The following CELSR1 variants were observed in gnomAD, a reference collection of about 807,000 sequenced individuals.
CELSR1 encodes adhesion G protein-coupled receptor C1.
A neutral mutation model predicts 249.1 loss-of-function variants in CELSR1; 110 were observed. That is an observed-to-expected ratio of 0.44 (90% CI 0.38 to 0.52). The LOEUF (loss-of-function observed/expected upper bound fraction) is 0.52, where lower values mean the gene tolerates loss of function less well. Ranked by LOEUF, CELSR1 falls within the 20% of genes least tolerant of loss-of-function variation. The pLI is 0.00. For synonymous variants in CELSR1, 2,113 were observed against 1,900.0 expected, an observed-to-expected ratio of 1.11 and a Z score of -2.92; for missense variants, 4,109 against 4,296.4, an observed-to-expected ratio of 0.96 and a Z score of 1.22.
rs537819659 is a variant in CELSR1, at chr22:46,425,776, C to T, written c.4611+7617G>A. Among the ~76,000 whole-genome samples the T allele has an allele frequency of 3.9e-3, 597 of 152,238 alleles. 3 individuals are homozygous for T. Among genetic ancestry groups the T allele is most frequent in the Non-Finnish European group, 6.5e-3 (443 of 68,036 alleles). On this transcript the variant is annotated intron_variant, in intron 5 of 34. Transcript: ENST00000674500. ...TGTTTTGCTGTTTCAATTTCACTGA[C>T]TGCTGCTCTTATCTTTATTATTTCC...
At chr22:46,405,291 T>C (rs574725729) in intron 9 of CELSR1, among the ~76,000 whole-genome samples, 37 of 150,872 alleles carry the variant, frequency 2.5e-4, no homozygotes, top group Non-Finnish European at 4.6e-4. Flanking sequence ...AAACCCTGTC[T>C]CTACTAAAAA....
rs1320338798 is a variant in CELSR1 at position 46,518,340 on chromosome 22, G to A, written c.3544+15287C>T. Among the ~76,000 whole-genome samples the A allele has an allele frequency of 6.6e-6, 1 of 152,248 alleles. No homozygotes were observed. The highest frequency in any genetic ancestry group is 1.5e-5 in the Non-Finnish European group (1 of 68,052). Reference sequence around the variant, plus strand: ...CCATCAGCAGGGGCGCTCAGCCCGTGCCACACTCAGTCTCGTTAGAGGAGA... The same window carrying A: ...CCATCAGCAGGGGCGCTCAGCCCGTACCACACTCAGTCTCGTTAGAGGAGA... On this transcript the variant is annotated intron_variant, in intron 1 of 34. Coordinates refer to ENST00000674500, the MANE Select transcript of CELSR1 (RefSeq NM_001378328.1). The surrounding 1 kb of genome is among the most constrained non-coding windows in gnomAD (Gnocchi z 5.2).
At chr22:46,513,622 T>A (rs190784431) in intron 1 of CELSR1, among the ~76,000 whole-genome samples, 1 of 152,216 alleles carries the variant, frequency 6.6e-6, no homozygotes, top group Non-Finnish European at 1.5e-5. Flanking sequence ...GCACCAGGGA[T>A]AGGAGTCCCA....
chr22:46,511,431 T>C (rs2147766316), intron 1 of CELSR1, among the ~76,000 whole-genome samples: 1 of 152,308 alleles, frequency 6.6e-6, no homozygotes, highest in South Asian at 2.1e-4. Flanking sequence ...TGTCAAAGCA[T>C]CGCTCCAAAA....
chr22:46,386,894 C>T lies in CELSR1; in HGVS notation c.6556-309G>A, dbSNP rs531514164. Among the ~76,000 whole-genome samples, 11 of 152,266 alleles carry T rather than the reference C, an allele frequency of 7.2e-5. No homozygotes were observed. In the East Asian group the frequency reaches 1.9e-3, roughly 27 times the overall value. On this transcript the variant is annotated intron_variant, in intron 18 of 34. Transcript: ENST00000674500. Reference sequence around the variant, plus strand: ...TCAACCTCCCGAGTAGCTGGGATTACAGGCACACATGTGCCACCACACCCG... The same window carrying T: ...TCAACCTCCCGAGTAGCTGGGATTATAGGCACACATGTGCCACCACACCCG...
rs151159264 is a variant in CELSR1 at position 46,433,379 on chromosome 22, G to A, written c.4611+14C>T. 2.0e-4 allele frequency: 315 copies of A among 1,608,408 alleles called. 3 individuals carry two copies. The East Asian group carries it at 7.0e-3, about 36-fold the overall frequency. ...CGCCCTGGGGCCAGGGGGAAGTGGT[G>A]GGGCCCATCTTACCTTGTTGTAGTA... On this transcript the variant is annotated intron_variant, in intron 5 of 34. Coordinates refer to ENST00000674500, the MANE Select transcript of CELSR1 (RefSeq NM_001378328.1). This position sits in a 1 kb window ranked among gnomAD's most constrained non-coding sequence, Gnocchi z 5.7.
intron 2 of CELSR1, chr22:46,462,645 CAAAAAA>C (rs10541493): frequency 4.8e-4 from 79 of 164,678 alleles, no homozygotes; most frequent in South Asian, 2.0e-3. Context: ...AGAGAGCTTT[CAAAAAA>C]AAAAAAAAAA....
Position 46,518,380 on chromosome 22 carries a change from C to T in CELSR1, c.3544+15247G>A, listed in dbSNP as rs12484501. Among the ~76,000 whole-genome samples the T allele has an allele frequency of 1.3e-5, 2 of 152,162 alleles. No homozygotes were observed. The highest frequency in any genetic ancestry group is 2.9e-5 in the Non-Finnish European group (2 of 68,014). On this transcript the variant is annotated intron_variant, in intron 1 of 34. Transcript: ENST00000674500. The surrounding 1 kb of genome is among the most constrained non-coding windows in gnomAD (Gnocchi z 5.2). ...GTTAGAGGAGAACGAAGGGAGTGGG[C>T]TCCCACAGACCACATTGCACTGCGA...
intron 1 of CELSR1, among the ~76,000 whole-genome samples, chr22:46,467,891 TGGCA>T (rs2080114324): frequency 6.6e-6 from 1 of 151,802 alleles, no homozygotes; most frequent in Non-Finnish European, 1.5e-5. Context: ...AAGGATGGGG[TGGCA>T]GGGAGTGAAC....
intron 1 of CELSR1, among the ~76,000 whole-genome samples, chr22:46,487,011 G>C (rs1034417610): frequency 2.8e-5 from 4 of 145,360 alleles, no homozygotes; most frequent in African/African-American, 7.9e-5. Flanking sequence ...GTCTGCTCCC[G>C]CCCCCTGCCC....
Position 46,385,943 on chromosome 22 carries a change from C to T in CELSR1, c.6739+459G>A, listed in dbSNP as rs1323878036. The stretch of plus-strand genomic sequence containing the variant: ...CCGCCCACCTTGGCCTCCCAAATTG[C>T]TGGGATTACAGGCGTGAGCCACCGC... On this transcript the variant is annotated intron_variant, in intron 19 of 34. Transcript: ENST00000674500. 8.9e-4 allele frequency among the ~76,000 whole-genome samples: 132 copies of T among 148,862 alleles called. 1 individual carries two copies. The highest frequency in any genetic ancestry group is 3.2e-3 in the African/African-American group (124 of 39,192).
At chr22:46,421,653 C>T (rs1187736521) in intron 5 of CELSR1, among the ~76,000 whole-genome samples, 2 of 152,250 alleles carry the variant, frequency 1.3e-5, no homozygotes, top group African/African-American at 4.8e-5. Context: ...TCGCTAGCCA[C>T]CTGAAGACCC....
At position 46,433,109 on chromosome 22, in the gene CELSR1, T is replaced by C. The variant is rs1438891158; in HGVS notation, c.4611+284A>G. On this transcript the variant is annotated intron_variant, in intron 5 of 34. Coordinates refer to ENST00000674500, the MANE Select transcript of CELSR1 (RefSeq NM_001378328.1). The surrounding 1 kb of genome is among the most constrained non-coding windows in gnomAD (Gnocchi z 5.7). ...TGGCACGATCTCGGCTCACTGTAAC[T>C]TCTGCCTCCCAGGCTCAAGTGACTC... 3.9e-5 allele frequency among the ~76,000 whole-genome samples: 6 copies of C among 152,024 alleles called. No individual in the cohort carries two copies. The highest frequency in any genetic ancestry group is 7.4e-5 in the Non-Finnish European group (5 of 67,990).
Position 46,533,922 on chromosome 22 carries a change from G to T in CELSR1, c.3249C>A (p.Ser1083Arg). 1 of 1,613,022 alleles carries T rather than the reference G, an allele frequency of 6.2e-7. No homozygotes were observed. Among genetic ancestry groups the T allele is most frequent in the Non-Finnish European group, 8.5e-7 (1 of 1,180,010 alleles). ...VVQATSAPLV[S>R]RATVHILLVD... is the part of the protein sequence containing the mutation. ...CGAGAAGGATGTGCACCGTGGCTCG[G>T]CTCACCAGCGGAGCCGACGTGGCCT... The change falls in exon 1 of 35, where the codon AGC (serine) becomes AGA (arginine). Residue 1083 changes from serine to arginine, a missense_variant. Physicochemically the swap from Ser to Arg is moderately radical, Grantham distance 110. This residue lies in a region of CELSR1 where 886 missense variants were observed against 896.5 expected (regional missense o/e 0.99). Transcript: ENST00000674500.
At chr22:46,432,372 T>C (rs563095222) in intron 5 of CELSR1, among the ~76,000 whole-genome samples, 1 of 152,216 alleles carries the variant, frequency 6.6e-6, no homozygotes, top group South Asian at 2.1e-4. Context: ...AAGGACTGGG[T>C]CGATTCTCCT....
rs2079561896 is a variant in CELSR1 at position 46,428,657 on chromosome 22, G to C, written c.4611+4736C>G. 6.6e-6 allele frequency among the ~76,000 whole-genome samples: 1 copy of C among 152,122 alleles called. No homozygotes were observed. The highest frequency in any genetic ancestry group is 2.4e-5 in the African/African-American group (1 of 41,420). On this transcript the variant is annotated intron_variant, in intron 5 of 34. Coordinates refer to ENST00000674500, the MANE Select transcript of CELSR1 (RefSeq NM_001378328.1). This position sits in a 1 kb window ranked among gnomAD's most constrained non-coding sequence, Gnocchi z 5.7. ...GCCCAGAACAGGCCTCACAATGAAG[G>C]GTCATCGTCCCCAAGGGGCGGCAGT...
At chr22:46,491,342 C>T (rs2080365577) in intron 1 of CELSR1, among the ~76,000 whole-genome samples, 1 of 149,320 alleles carries the variant, frequency 6.7e-6, no homozygotes, top group Non-Finnish European at 1.5e-5. Flanking sequence ...CAGCTCACTG[C>T]AAGCTCTGCC....
intron 20 of CELSR1, 126 bp downstream of exon 20, chr22:46,384,417 G>C: frequency 8.7e-7 from 1 of 1,146,620 alleles, no homozygotes. Context: ...CCTGGCACCA[G>C]AGAGCACTCG....
intron 2 of CELSR1, among the ~76,000 whole-genome samples, chr22:46,449,617 C>G (rs974016688): frequency 6.6e-6 from 1 of 152,176 alleles, no homozygotes; most frequent in East Asian, 1.9e-4. Context: ...TAAGAATGAA[C>G]AAAACAGATC....
Sources: allele counts gnomAD v4.1 joint callset (sites outside exome capture counted in the v4.1 genomes callset), GRCh38; gene constraint gnomAD v4.1.1; regional missense constraint gnomAD v4.1.1; non-coding constraint Gnocchi (gnomAD v3.1); transcripts MANE v1.5; gene names NCBI Gene and HGNC (gene_info 2026-07-23, HGNC 2026-07-21).